PIGN: variants seen among roughly 807,000 people sequenced by gnomAD.
PIGN encodes phosphatidylinositol glycan anchor biosynthesis class N, also known as GPI ethanolamine phosphate transferase 1.
In PIGN, 117 loss-of-function variants were observed where a neutral mutation model predicts 125.4. The observed-to-expected ratio is 0.93, with a 90% CI of 0.80 to 1.09. The LOEUF is 1.09. PIGN is among the 50% of genes least tolerant of loss of function. The probability of loss-of-function intolerance (pLI) is 0.00; values close to 1 mark genes in which losing one functional copy is unlikely to be tolerated. For synonymous variants in PIGN, 392 were observed against 377.8 expected (o/e 1.04, Z -0.44); for missense variants, 1,075 against 1,094.9 (o/e 0.98, Z 0.26).
chr18:62,082,618 C>CAAA, intron 28 of PIGN, 55 bp downstream of exon 28: 3 of 899,530 alleles, frequency 3.3e-6, no homozygotes. Context: ...CGAAAGTTTA[C>CAAA]TCTCATCTCC....
intron 25 of PIGN, 44 bp downstream of exon 25, chr18:62,088,712 G>T: frequency 1.0e-6 from 1 of 1,000,070 alleles, no homozygotes; most frequent in Non-Finnish European, 1.6e-6. Flanking sequence ...ACTCCATTAA[G>T]TGGGAGTTGC....
chr18:62,101,526 C>T (rs2034438488), intron 21 of PIGN, among the ~76,000 whole-genome samples: 1 of 152,182 alleles, frequency 6.6e-6, no homozygotes, highest in Admixed American at 6.5e-5. Context: ...GCTACTATGG[C>T]TTAAGTGTAA....
Position 62,106,795 on chromosome 18 carries a change from T to TC in PIGN, c.1760dup (p.Ala588SerfsTer57). Reference sequence around the variant, plus strand: ...TCAAAATGAGTACTCATACCTTTGCTCGAGTCCACAGCCGAGTGAGAAATG... The same window carrying TC: ...TCAAAATGAGTACTCATACCTTTGCTCCGAGTCCACAGCCGAGTGAGAAATG... On this transcript the variant is annotated frameshift_variant, in exon 19 of 31. Transcript: ENST00000640252. LOFTEE classifies it high-confidence loss of function. 6.2e-7 allele frequency: 1 copy of TC among 1,602,792 alleles called. No homozygotes were observed. The highest frequency in any genetic ancestry group is 8.5e-7 in the Non-Finnish European group (1 of 1,173,710).
intron 23 of PIGN, 90 bp from the exon 24 acceptor site, chr18:62,090,668 A>T (rs891693278): frequency 1.0e-5 from 7 of 677,296 alleles, no homozygotes; most frequent in Non-Finnish European, 1.8e-5. Flanking sequence ...CTCAAAATTA[A>T]AACAATTTGA....
intron 23 of PIGN, among the ~76,000 whole-genome samples, chr18:62,018,697 G>A (rs552067063): frequency 6.6e-6 from 1 of 152,330 alleles, no homozygotes; most frequent in South Asian, 2.1e-4. Context: ...AGAGGAAGCA[G>A]TACATTTTCC....
intron 21 of PIGN, 67 bp from the exon 22 acceptor site, chr18:62,101,250 T>A: frequency 1.2e-6 from 1 of 847,598 alleles, no homozygotes; most frequent in Non-Finnish European, 1.9e-6. Context: ...AGCAAGAATG[T>A]AAGACATTCT....
chr18:62,125,310 C>T (rs2035493796), intron 14 of PIGN, among the ~76,000 whole-genome samples: 1 of 151,580 alleles, frequency 6.6e-6, no homozygotes, highest in Non-Finnish European at 1.5e-5. Flanking sequence ...TGTAATCATA[C>T]CAAATGTGTA....
chr18:62,109,015 T>A (rs1208101467), intron 17 of PIGN, among the ~76,000 whole-genome samples: 1 of 152,216 alleles, frequency 6.6e-6, no homozygotes. Context: ...ACCTTGGGGA[T>A]ACCCTTATTA....
chr18:62,152,604 AT>A (rs2036576591), intron 7 of PIGN, among the ~76,000 whole-genome samples: 1 of 152,154 alleles, frequency 6.6e-6, no homozygotes, highest in African/African-American at 2.4e-5. Context: ...CATAAAGCCT[AT>A]TTTTTAATAA....
At chr18:62,120,566 A>C (rs1345830961) in intron 14 of PIGN, among the ~76,000 whole-genome samples, 3 of 152,150 alleles carry the variant, frequency 2.0e-5, no homozygotes, top group African/African-American at 4.8e-5. Context: ...ATATACTTAT[A>C]ATTAAAATAT....
downstream of PIGN, among the ~76,000 whole-genome samples, chr18:62,037,481 G>A (rs1216891024): frequency 6.6e-6 from 1 of 152,240 alleles, no homozygotes; most frequent in East Asian, 1.9e-4. Flanking sequence ...AAGCAGGGAC[G>A]TAAAGGCCTA....
intron 23 of PIGN, among the ~76,000 whole-genome samples, chr18:62,033,054 G>C (rs1421132797): frequency 1.3e-5 from 2 of 152,168 alleles, no homozygotes; most frequent in African/African-American, 2.4e-5. Flanking sequence ...AGGGAAGCTG[G>C]GCCACAGAGG....
chr18:62,153,900 T>C (rs1437205001), intron 7 of PIGN: 1 of 152,072 alleles, frequency 6.6e-6, no homozygotes, highest in Non-Finnish European at 1.5e-5. Flanking sequence ...GAATTATGAG[T>C]TGTTATTTGG....
rs1205333564 is a variant in PIGN, at chr18:62,147,120, A to G, written c.675-19T>C. 6.3e-7 allele frequency: 1 copy of G among 1,576,838 alleles called. No homozygotes were observed. Among genetic ancestry groups the G allele is most frequent in the Non-Finnish European group, 8.6e-7 (1 of 1,159,242 alleles). ...GTAGTCTCTATTTGTAAAGAAACAGAGGAACAAATTAAATTAATTTGGAGA... is the reference window on the plus strand; with the variant it reads ...GTAGTCTCTATTTGTAAAGAAACAGGGGAACAAATTAAATTAATTTGGAGA... On this transcript the variant is annotated intron_variant, in intron 8 of 30. Transcript: ENST00000640252.
At chr18:62,162,815 C>A (rs773924745) in intron 2 of PIGN, among the ~76,000 whole-genome samples, 4 of 152,090 alleles carry the variant, frequency 2.6e-5, no homozygotes, top group African/African-American at 9.7e-5. Flanking sequence ...ATAATAATCA[C>A]TGTCCTTAAT....
At position 62,114,554 on chromosome 18, in the gene PIGN, T is replaced by C. The variant is rs775042896; in HGVS notation, c.1251+7A>G. The C allele has an allele frequency of 3.1e-5, 46 of 1,476,418 alleles. No homozygotes were observed. The highest frequency in any genetic ancestry group is 3.4e-4 in the Middle Eastern group (2 of 5,874). The allele number at this position is 1,476,418 out of a possible 1,614,324, so 91.5% of individuals were successfully genotyped here. On this transcript the variant is annotated splice_region_variant and intron_variant, in intron 15 of 30. Transcript: ENST00000640252. ...GCTATTTATGTCTATAAGGCCGGTA[T>C]ACTTACCACTTCATCAAACTTTCTG...
At chr18:62,060,920 G>A (rs1599422443) in intron 30 of PIGN, among the ~76,000 whole-genome samples, 1 of 152,282 alleles carries the variant, frequency 6.6e-6, no homozygotes, top group Non-Finnish European at 1.5e-5. Flanking sequence ...TATAAATGAA[G>A]ATAAAGTGTA....
In PIGN at chr18:62,045,610, G is replaced by T. The variant is rs533713007; in HGVS notation, c.*246C>A. On this transcript the variant is annotated 3_prime_UTR_variant, in exon 31 of 31. Coordinates refer to ENST00000640252, the MANE Select transcript of PIGN (RefSeq NM_176787.5). Reference sequence around the variant, plus strand: ...GAGCTGCCAGCCAAAGGAAAAAAATGAAAAAGGAGAATGCCTTCCTATGCT... The same window carrying T: ...GAGCTGCCAGCCAAAGGAAAAAAATTAAAAAGGAGAATGCCTTCCTATGCT... 5.6e-5 allele frequency: 18 copies of T among 319,900 alleles called. No homozygotes were observed. The highest frequency in any genetic ancestry group is 3.9e-4 in the African/African-American group (18 of 46,682). 19.8% of individuals were successfully genotyped at this position (319,900 alleles called of 1,614,324 possible).
At chr18:62,048,798 C>A (rs1320052786) in intron 30 of PIGN, among the ~76,000 whole-genome samples, 2 of 150,154 alleles carry the variant, frequency 1.3e-5, no homozygotes, top group African/African-American at 4.9e-5. Context: ...GTGTGCTGCA[C>A]CCATTAACTC....
Sources: gnomAD v4.1 joint callset for allele counts (sites outside exome capture counted in the v4.1 genomes callset) on GRCh38, gnomAD v4.1.1 for gene constraint, MANE v1.5 for transcripts, NCBI Gene and HGNC (gene_info 2026-07-23, HGNC 2026-07-21) for gene names.